Variants in AKR1B1 observed in about 807,000 individuals in gnomAD.
The protein encoded by AKR1B1 is aldo-keto reductase family 1 member B1.
A neutral mutation model predicts 40.4 loss-of-function variants in AKR1B1; 22 were observed. The ratio of observed to expected loss-of-function variants is 0.54; its 90% CI spans 0.39 to 0.78. AKR1B1 has a LOEUF of 0.78. Ranked by LOEUF, AKR1B1 falls within the 30% of genes least tolerant of loss-of-function variation. AKR1B1 has a pLI of 0.00. For synonymous variants in AKR1B1, 157 were observed against 149.9 expected, an observed-to-expected ratio of 1.05 and a Z score of -0.35; for missense variants, 357 against 396.7, an observed-to-expected ratio of 0.90 and a Z score of 0.85.
Position 134,449,058 on chromosome 7 carries a change from T to C in AKR1B1, c.491A>G (p.His164Arg), listed in dbSNP as rs367750648. ...VKAIGISNFN[H>R]LQVEMILNKP... ...GTTTAAGATCATCTCCACCTGGAGA[T>C]GGTTGAAGTTGGAGATGCCAATAGC... The change falls in exon 5 of 10, where the codon CAT (histidine) becomes CGT (arginine). Residue 164 changes from histidine (H) to arginine (R), a missense_variant. By Grantham distance (29) the His-to-Arg change is conservative (BLOSUM62 0). Coordinates refer to ENST00000285930, the MANE Select transcript of AKR1B1 (RefSeq NM_001628.4). The C allele has an allele frequency of 6.2e-6, 10 of 1,614,130 alleles. No homozygotes were observed. The highest frequency in any genetic ancestry group is 7.6e-6 in the Non-Finnish European group (9 of 1,179,980).
chr7:134,446,683 C>G (rs1562905968), intron 8 of AKR1B1, among the ~76,000 whole-genome samples: 1 of 152,096 alleles, frequency 6.6e-6, no homozygotes, highest in South Asian at 2.1e-4. Flanking sequence ...ACACTGAGCG[C>G]TTCGCCAGAG....
rs193117914 is a variant in AKR1B1, at chr7:134,455,304, A to G, written c.67-3551T>C. Among the ~76,000 whole-genome samples, 265 of 152,228 alleles carry G rather than the reference A, an allele frequency of 1.7e-3. 3 individuals carry two copies. The highest frequency in any genetic ancestry group is 2.9e-3 in the South Asian group (14 of 4,822). ...AGTACAATATTATCTCTGATATTAC[A>G]ATTTTATTTTGGGGCAAATTAGGGG... On this transcript the variant is annotated intron_variant, in intron 1 of 9. Coordinates refer to ENST00000285930, the MANE Select transcript of AKR1B1 (RefSeq NM_001628.4).
rs767461435 is a variant in AKR1B1, at chr7:134,459,091, A to T, written c.-29T>A. On this transcript the variant is annotated 5_prime_UTR_variant, in exon 1 of 10. Transcript: ENST00000285930. ...TGCTGCGCTCCCCAGACCCCCGCCC[A>T]GTACGGTGCGGCCTTGGCCGCGGCG... The T allele has an allele frequency of 6.3e-7, 1 of 1,591,606 alleles. No homozygotes were observed. Among genetic ancestry groups the T allele is most frequent in the East Asian group, 2.3e-5 (1 of 43,674 alleles).
chr7:134,450,585 G>A (rs1806252315), intron 3 of AKR1B1, among the ~76,000 whole-genome samples: 1 of 152,204 alleles, frequency 6.6e-6, no homozygotes. Flanking sequence ...CTGCTGGTGC[G>A]GATTCAAATG....
intron 9 of AKR1B1, chr7:134,444,577 A>C (rs1238143096): frequency 6.3e-6 from 1 of 157,580 alleles, no homozygotes; most frequent in Non-Finnish European, 1.4e-5. Flanking sequence ...ACAGAGTCTC[A>C]GTCTCCACTG....
rs1423783693 is a variant in AKR1B1 at position 134,442,684 on chromosome 7, AAC to A, written c.*42_*43del. The A allele has an allele frequency of 1.2e-6, 2 of 1,604,046 alleles. No individual in the cohort carries two copies. Among genetic ancestry groups the A allele is most frequent in the African/African-American group, 2.7e-5 (2 of 74,684 alleles). On this transcript the variant is annotated 3_prime_UTR_variant, in exon 10 of 10. Coordinates refer to ENST00000285930, the MANE Select transcript of AKR1B1 (RefSeq NM_001628.4). ...TTGCAAGGAAAAAAATGAGGCAAGA[AAC>A]ACAGGTATAGGTCACTTGGGGACGA...
At position 134,448,981 on chromosome 7, in the gene AKR1B1, G is replaced by T. The variant is rs192987063; in HGVS notation, c.552+16C>A. ...ACAGCAACGTTGCAATGCCAGTGTCGTTGGGGGATGTTTACCTGGTTAACT... is the reference window on the plus strand; with the variant it reads ...ACAGCAACGTTGCAATGCCAGTGTCTTTGGGGGATGTTTACCTGGTTAACT... On this transcript the variant is annotated intron_variant, in intron 5 of 9. Transcript: ENST00000285930. The T allele has an allele frequency of 6.2e-7, 1 of 1,613,866 alleles. No homozygotes were observed. The highest frequency in any genetic ancestry group is 1.7e-5 in the Admixed American group (1 of 59,988).
intron 1 of AKR1B1, among the ~76,000 whole-genome samples, chr7:134,453,497 T>C (rs1488767036): frequency 1.3e-5 from 2 of 152,132 alleles, no homozygotes; most frequent in African/African-American, 2.4e-5. Context: ...TCAGCGGCTG[T>C]TGTTTGGGGA....
intron 3 of AKR1B1, among the ~76,000 whole-genome samples, chr7:134,450,066 T>TCAAG (rs1806237749): frequency 6.6e-6 from 1 of 152,170 alleles, no homozygotes; most frequent in Non-Finnish European, 1.5e-5. Context: ...CAGGAAGGAC[T>TCAAG]CAAGACCAGG....
chr7:134,458,379 C>G (rs934649784), intron 1 of AKR1B1, among the ~76,000 whole-genome samples: 10 of 152,114 alleles, frequency 6.6e-5, no homozygotes. Flanking sequence ...CGGCGCCTGG[C>G]CGAGGAGCTC....
intron 3 of AKR1B1, 58 bp from the exon 4 acceptor site, chr7:134,449,855 C>G: frequency 7.1e-7 from 1 of 1,408,048 alleles, no homozygotes. Flanking sequence ...CTTCACAGAC[C>G]TGCTGGGGGA....
chr7:134,449,766 G>A lies in AKR1B1; in HGVS notation c.383C>T (p.Ser128Leu), dbSNP rs371173126. The A allele has an allele frequency of 7.4e-6, 12 of 1,614,022 alleles. No individual in the cohort carries two copies. Among genetic ancestry groups the A allele is most frequent in the East Asian group, 4.5e-5 (2 of 44,878 alleles). The change falls in exon 4 of 10, where the codon TCG becomes TTG. Residue 128 changes from serine to leucine, a missense_variant. Ser to Leu is a moderately radical substitution (Grantham distance 145). Coordinates refer to ENST00000285930, the MANE Select transcript of AKR1B1 (RefSeq NM_001628.4). Reference protein sequence around the residue: ...PGKEFFPLDESGNVVPSDTNI... With the variant: ...PGKEFFPLDELGNVVPSDTNI... ...GGTGTCACTGGGAACCACATTGCCC[G>A]ACTCATCCAATGGGAAAAATTCCTT...
chr7:134,459,229 C>G, upstream of AKR1B1: 1 of 790,552 alleles, frequency 1.3e-6, no homozygotes, highest in Non-Finnish European at 2.0e-6. Flanking sequence ...CGGCCTTCCC[C>G]AAGGGTCGGC....
At chr7:134,445,811 C>A (rs61364220) in intron 8 of AKR1B1, among the ~76,000 whole-genome samples, 4,853 of 152,322 alleles carry the variant, frequency 0.032, 216 homozygotes, top group African/African-American at 0.09. Flanking sequence ...TGGTATTTGA[C>A]ATGGCCTAAG....
Position 134,448,488 on chromosome 7 carries a change from C to T in AKR1B1, c.558G>A (p.Glu186=), listed in dbSNP as rs935325449. Residue 186 remains glutamate (E), a synonymous_variant, in exon 6 of 10, where the codon GAG becomes GAA. Transcript: ENST00000285930. ...LKYKPAVNQI[E]CHPYLTQEKL... ...TCTCCTGAGTGAGATATGGGTGGCA[C>T]TCAATCTGCAAATGCAAAAACAAGA... is the stretch of plus-strand genomic sequence containing the variant. 3.7e-6 allele frequency: 6 copies of T among 1,613,470 alleles called. No individual in the cohort carries two copies. Among genetic ancestry groups the T allele is most frequent in the Non-Finnish European group, 5.1e-6 (6 of 1,179,596 alleles).
chr7:134,458,962 G>T, intron 1 of AKR1B1, 35 bp downstream of exon 1: 1 of 1,586,414 alleles, frequency 6.3e-7, no homozygotes, highest in Non-Finnish European at 8.6e-7. Flanking sequence ...AGAGTGTGAG[G>T]CGAGCCCCGG....
chr7:134,459,209 G>A, upstream of AKR1B1: 1 of 968,828 alleles, frequency 1.0e-6, no homozygotes. Flanking sequence ...TTGCGCTGGG[G>A]GTGCCGCGGC....
At chr7:134,448,648 G>A (rs1460119157) in intron 5 of AKR1B1, among the ~76,000 whole-genome samples, 155 bp from the exon 6 acceptor site, 2 of 152,166 alleles carry the variant, frequency 1.3e-5, no homozygotes, top group African/African-American at 4.8e-5. Context: ...ACTTCCTACA[G>A]TTCCCAGGTA....
chr7:134,450,779 C>T lies in AKR1B1; in HGVS notation c.351+7G>A. ...AAGGGACCTGGTCTGCACCAGGCAT[C>T]CCATACCTTAAAGCCAGTCGGCCAG... On this transcript the variant is annotated splice_region_variant and intron_variant, in intron 3 of 9. Transcript: ENST00000285930. The T allele has an allele frequency of 1.2e-6, 2 of 1,611,660 alleles. No homozygotes were observed. The highest frequency in any genetic ancestry group is 1.1e-5 in the South Asian group (1 of 91,042).
Sources: gnomAD v4.1 joint callset for allele counts (sites outside exome capture counted in the v4.1 genomes callset) on GRCh38, gnomAD v4.1.1 for gene constraint, MANE v1.5 for transcripts, NCBI Gene and HGNC (gene_info 2026-07-23, HGNC 2026-07-21) for gene names.